COP1: variants seen among roughly 807,000 people sequenced by gnomAD.
COP1 encodes COP1 E3 ubiquitin ligase, also known as E3 ubiquitin-protein ligase COP1.
COP1 carries 24 observed loss-of-function variants against 101.3 expected under a neutral mutation model. The observed-to-expected ratio is 0.24, with a 90% CI of 0.17 to 0.33. The LOEUF (loss-of-function observed/expected upper bound fraction) is 0.33, where lower values mean the gene tolerates loss of function less well. COP1 is among the 10% of genes least tolerant of loss of function. The pLI is 1.00. For synonymous variants in COP1, 347 were observed against 341.9 expected, an observed-to-expected ratio of 1.01 and a Z score of -0.17; for missense variants, 663 against 906.2, an observed-to-expected ratio of 0.73 and a Z score of 3.45.
chr1:176,113,763 A>C (rs1685694488), intron 9 of COP1, among the ~76,000 whole-genome samples: 1 of 152,148 alleles, frequency 6.6e-6, no homozygotes, highest in Non-Finnish European at 1.5e-5. Flanking sequence ...TTGTTAAATA[A>C]TTTGTGGGAG....
chr1:176,044,612 A>G (rs1455058485), intron 12 of COP1, among the ~76,000 whole-genome samples: 1 of 152,198 alleles, frequency 6.6e-6, no homozygotes, highest in Non-Finnish European at 1.5e-5. Context: ...GGTAGAAATT[A>G]TCTGGAACAA....
intron 11 of COP1, among the ~76,000 whole-genome samples, chr1:176,075,917 C>T (rs878988467): frequency 9.4e-5 from 14 of 148,932 alleles, no homozygotes; most frequent in African/African-American, 2.5e-4. Flanking sequence ...GCAGGAAAAT[C>T]GCTTGAACCT....
At chr1:176,087,177 C>T (rs1372486634) in intron 9 of COP1, among the ~76,000 whole-genome samples, 1 of 152,146 alleles carries the variant, frequency 6.6e-6, no homozygotes, top group Non-Finnish European at 1.5e-5. Flanking sequence ...CTAGGCAGTA[C>T]CATTCAGGAC....
At chr1:176,131,821 T>C (rs894460800) in intron 8 of COP1, among the ~76,000 whole-genome samples, 1 of 151,862 alleles carries the variant, frequency 6.6e-6, no homozygotes, top group Non-Finnish European at 1.5e-5. Flanking sequence ...AGTGCCTCTC[T>C]CAATCCTTGA....
At chr1:175,960,111 T>C (rs1047508325) in intron 18 of COP1, among the ~76,000 whole-genome samples, 4 of 152,218 alleles carry the variant, frequency 2.6e-5, no homozygotes, top group Non-Finnish European at 4.4e-5. Context: ...TCTATATTCA[T>C]GGAAATGCCA....
At chr1:176,122,003 G>A (rs560996376) in intron 8 of COP1, among the ~76,000 whole-genome samples, 1 of 151,978 alleles carries the variant, frequency 6.6e-6, no homozygotes, top group Non-Finnish European at 1.5e-5. Context: ...AGCCGGGCAT[G>A]GTGGCGGGCG....
intron 8 of COP1, among the ~76,000 whole-genome samples, chr1:176,132,142 C>T (rs1445046104): frequency 1.3e-5 from 2 of 151,846 alleles, no homozygotes; most frequent in East Asian, 1.9e-4. Context: ...AACTTTTCTC[C>T]CCAGCTTCCA....
At chr1:176,181,702 G>T (rs185863913) in intron 2 of COP1, among the ~76,000 whole-genome samples, 28 of 152,146 alleles carry the variant, frequency 1.8e-4, no homozygotes, top group Admixed American at 3.3e-4. Flanking sequence ...TTAGCCGGGC[G>T]TGGTGGCACA....
At chr1:176,065,749 C>T (rs1300445053) in intron 11 of COP1, among the ~76,000 whole-genome samples, 2 of 144,590 alleles carry the variant, frequency 1.4e-5, no homozygotes, top group African/African-American at 5.2e-5. Flanking sequence ...GCTCCGTTGC[C>T]TAGGTTGGAG....
At chr1:176,162,751 G>C (rs1694528374) in intron 5 of COP1, 118 bp downstream of exon 5, 4 of 787,112 alleles carry the variant, frequency 5.1e-6, no homozygotes, top group Non-Finnish European at 7.6e-6. Context: ...GCTGTTTCTA[G>C]CTGAGTAAAA....
At position 176,097,585 on chromosome 1, in the gene COP1, C is replaced by T. The variant is rs139512354; in HGVS notation, c.1027-11695G>A. On this transcript the variant is annotated intron_variant, in intron 9 of 19. Coordinates refer to ENST00000367669, the MANE Select transcript of COP1 (RefSeq NM_022457.7). ...TTTTTTATAGAGCTTTTTTTATAGA[C>T]TGGCTGGGTGCAGCAGCTCAAGCCT... is the stretch of plus-strand genomic sequence containing the variant. 2.3e-3 allele frequency among the ~76,000 whole-genome samples: 357 copies of T among 152,038 alleles called. 1 individual carries two copies. Among genetic ancestry groups the T allele is most frequent in the African/African-American group, 8.4e-3 (349 of 41,486 alleles).
rs567919061 is a variant in COP1 at position 176,097,687 on chromosome 1, G to A, written c.1027-11797C>T. Among the ~76,000 whole-genome samples the A allele has an allele frequency of 3.3e-5, 5 of 152,084 alleles. No homozygotes were observed. The South Asian group carries it at 1.0e-3, about 32-fold the overall frequency. On this transcript the variant is annotated intron_variant, in intron 9 of 19. Transcript: ENST00000367669. The stretch of plus-strand genomic sequence containing the variant: ...AGTTCAAGACCAGCCTGGCCAGCAT[G>A]GTGAAACCCCATCTCTACTAAAAAT...
rs199590653 is a variant in COP1 at position 175,998,492 on chromosome 1, G to GA, written c.1730-9014dup. On this transcript the variant is annotated intron_variant, in intron 15 of 19. Coordinates refer to ENST00000367669, the MANE Select transcript of COP1 (RefSeq NM_022457.7). ...TAAAATTAAAAAAAGAGAAAAAAAA[G>GA]AAAAAAAAATAGAACCATGGATTAA... 2.5e-3 allele frequency among the ~76,000 whole-genome samples: 367 copies of GA among 147,392 alleles called. 3 individuals carry two copies. The highest frequency in any genetic ancestry group is 8.4e-3 in the African/African-American group (338 of 40,006).
At chr1:175,986,434 C>T (rs1657151518) in intron 18 of COP1, among the ~76,000 whole-genome samples, 1 of 152,196 alleles carries the variant, frequency 6.6e-6, no homozygotes, top group Non-Finnish European at 1.5e-5. Context: ...CATCAATATA[C>T]TAAATATGCT....
At chr1:176,026,147 G>GA (rs1488758516) in intron 15 of COP1, among the ~76,000 whole-genome samples, 4 of 152,008 alleles carry the variant, frequency 2.6e-5, no homozygotes, top group Non-Finnish European at 1.5e-5. Flanking sequence ...GCAGATAGCG[G>GA]AAGCATTTTT....
chr1:175,965,189 G>A (rs1365012923), intron 18 of COP1, among the ~76,000 whole-genome samples: 1 of 152,058 alleles, frequency 6.6e-6, no homozygotes, highest in Non-Finnish European at 1.5e-5. Context: ...GGAGGTCATG[G>A]ACTCTGTGTA....
chr1:176,030,634 A>G (rs538245429), intron 14 of COP1, among the ~76,000 whole-genome samples: 14 of 152,348 alleles, frequency 9.2e-5, no homozygotes, highest in Non-Finnish European at 1.6e-4. Flanking sequence ...TTTTCAATAT[A>G]TAAGATATTA....
chr1:175,988,155 G>T (rs900436904), intron 17 of COP1, 133 bp downstream of exon 17: 1 of 748,078 alleles, frequency 1.3e-6, no homozygotes, highest in Non-Finnish European at 2.1e-6. Context: ...TAGTGCTGGG[G>T]CATCATGTCT....
intron 18 of COP1, among the ~76,000 whole-genome samples, chr1:175,963,901 G>A (rs1290446371): frequency 6.6e-6 from 1 of 152,112 alleles, no homozygotes; most frequent in African/African-American, 2.4e-5. Flanking sequence ...CTTAAATGCA[G>A]AGAATATATT....
Sources: allele counts gnomAD v4.1 joint callset (sites outside exome capture counted in the v4.1 genomes callset), GRCh38; gene constraint gnomAD v4.1.1; transcripts MANE v1.5; gene names NCBI Gene and HGNC (gene_info 2026-07-23, HGNC 2026-07-21).